Variants in ASTN2 observed in about 807,000 individuals in gnomAD.
ASTN2 encodes the protein astrotactin-2.
Under a neutral mutation model 139.8 loss-of-function variants are expected in ASTN2, and 54 were observed. The observed-to-expected ratio is 0.39, with a 90% CI of 0.31 to 0.48. The LOEUF (loss-of-function observed/expected upper bound fraction) is 0.48, where lower values mean the gene tolerates loss of function less well. ASTN2 is among the 20% of genes least tolerant of loss of function. The probability of loss-of-function intolerance (pLI) is 0.95; values close to 1 mark genes in which losing one functional copy is unlikely to be tolerated. For synonymous variants in ASTN2, 756 were observed against 719.5 expected (o/e 1.05, Z -0.81); for missense variants, 1,565 against 1,725.1 (o/e 0.91, Z 1.64).
At chr9:117,183,311 T>C (rs1831121059) in intron 3 of ASTN2, among the ~76,000 whole-genome samples, 1 of 152,180 alleles carries the variant, frequency 6.6e-6, no homozygotes, top group Admixed American at 6.5e-5. Context: ...TGCTGAGTAG[T>C]TGAGAGAATT....
chr9:116,903,745 C>A (rs1834081458), intron 10 of ASTN2, among the ~76,000 whole-genome samples: 1 of 151,976 alleles, frequency 6.6e-6, no homozygotes. Flanking sequence ...AGTCATGAGG[C>A]TGTATTAATA....
At chr9:116,594,550 G>T (rs958110840) in intron 19 of ASTN2, among the ~76,000 whole-genome samples, 1 of 152,182 alleles carries the variant, frequency 6.6e-6, no homozygotes, top group African/African-American at 2.4e-5. Flanking sequence ...AACATCAGAA[G>T]AGTCCAGTCT....
At position 117,214,745 on chromosome 9, in the gene ASTN2, G is replaced by A; in HGVS notation, c.631-3C>T. 6.8e-7 allele frequency: 1 copy of A among 1,480,492 alleles called. No homozygotes were observed. The highest frequency in any genetic ancestry group is 9.0e-7 in the Non-Finnish European group (1 of 1,115,512). The allele number at this position is 1,480,492 out of a possible 1,614,324, so 91.7% of individuals were successfully genotyped here. ...AGCAGCAGCGCGATGAGGCCACCCT[G>A]GAGCAGGAAGGAAGGACACACAAAT... On this transcript the variant is annotated splice_region_variant and splice_polypyrimidine_tract_variant and intron_variant, in intron 2 of 22. Coordinates refer to ENST00000313400, the MANE Select transcript of ASTN2 (RefSeq NM_001365068.1).
At chr9:116,734,061 G>T (rs1036868527) in intron 13 of ASTN2, among the ~76,000 whole-genome samples, 1 of 152,068 alleles carries the variant, frequency 6.6e-6, no homozygotes, top group African/African-American at 2.4e-5. Context: ...TAAATGGAAG[G>T]GCCCTAAGAG....
At chr9:116,866,740 A>G (rs1833020561) in intron 10 of ASTN2, among the ~76,000 whole-genome samples, 1 of 152,100 alleles carries the variant, frequency 6.6e-6, no homozygotes, top group African/African-American at 2.4e-5. Context: ...TCTACTAACA[A>G]TATAGTAGCC....
At chr9:117,181,074 C>T in intron 3 of ASTN2, 1 of 1,324,552 alleles carries the variant, frequency 7.5e-7, no homozygotes, top group Non-Finnish European at 1.1e-6. Context: ...AGGCCTGTTT[C>T]CATGGTCCCT....
At chr9:116,721,490 A>T (rs1828472245) in intron 16 of ASTN2, among the ~76,000 whole-genome samples, 1 of 152,208 alleles carries the variant, frequency 6.6e-6, no homozygotes, top group South Asian at 2.1e-4. Context: ...TATCAAGAGC[A>T]CAGAAGCATG....
intron 19 of ASTN2, among the ~76,000 whole-genome samples, chr9:116,517,115 T>C (rs576983877): frequency 2.0e-5 from 3 of 152,186 alleles, no homozygotes; most frequent in African/African-American, 7.2e-5. Context: ...GAATACTTCA[T>C]CAGGTGTCCC....
At chr9:116,949,581 G>A (rs1325837859) in intron 10 of ASTN2, among the ~76,000 whole-genome samples, 1 of 152,120 alleles carries the variant, frequency 6.6e-6, no homozygotes. Context: ...GAATCTTTGT[G>A]GGTTGGAATG....
At chr9:116,574,891 G>C (rs1321674084) in intron 19 of ASTN2, among the ~76,000 whole-genome samples, 2 of 152,272 alleles carry the variant, frequency 1.3e-5, no homozygotes, top group East Asian at 3.9e-4. Context: ...AAAATCAAGT[G>C]CAGCAGCCTG....
intron 7 of ASTN2, among the ~76,000 whole-genome samples, chr9:117,000,859 T>C (rs1387118843): frequency 1.3e-5 from 2 of 152,180 alleles, no homozygotes; most frequent in East Asian, 3.9e-4. Flanking sequence ...ATCCTCACCA[T>C]AGCATATTTT....
At chr9:117,021,349 A>C (rs1490471295) in intron 6 of ASTN2, among the ~76,000 whole-genome samples, 2 of 152,132 alleles carry the variant, frequency 1.3e-5, no homozygotes, top group Non-Finnish European at 2.9e-5. Flanking sequence ...TATCAAACCT[A>C]ATTGTCCTTT....
chr9:116,885,890 A>G (rs1833583906), intron 10 of ASTN2, among the ~76,000 whole-genome samples: 1 of 152,194 alleles, frequency 6.6e-6, no homozygotes, highest in Non-Finnish European at 1.5e-5. Context: ...TCATTCATTC[A>G]TTCAATCATT....
chr9:116,456,211 C>A (rs1285263325), intron 20 of ASTN2, among the ~76,000 whole-genome samples: 1 of 151,744 alleles, frequency 6.6e-6, no homozygotes, highest in African/African-American at 2.4e-5. Context: ...AGCATTTCTA[C>A]ATGCCAATAA....
chr9:117,031,516 C>T lies in ASTN2; in HGVS notation c.1423+8303G>A, dbSNP rs72757429. ...AAGGTTCTGAACATAATGTGCAAAA[C>T]AAATGTAATCTCTATCCTTATGGAA... On this transcript the variant is annotated intron_variant, in intron 6 of 22. Coordinates refer to ENST00000313400, the MANE Select transcript of ASTN2 (RefSeq NM_001365068.1). Among the ~76,000 whole-genome samples the T allele has an allele frequency of 8.9e-3, 1,352 of 152,166 alleles. 8 individuals are homozygous for T. Among genetic ancestry groups the T allele is most frequent in the Non-Finnish European group, 0.015 (1,043 of 67,998 alleles).
At chr9:116,843,354 TCTCA>T (rs1832323623) in intron 11 of ASTN2, among the ~76,000 whole-genome samples, 1 of 152,186 alleles carries the variant, frequency 6.6e-6, no homozygotes, top group African/African-American at 2.4e-5. Flanking sequence ...TACCGCATGT[TCTCA>T]CTTATAAGTG....
At chr9:117,000,535 A>C (rs1319769790) in intron 7 of ASTN2, among the ~76,000 whole-genome samples, 1 of 152,226 alleles carries the variant, frequency 6.6e-6, no homozygotes, top group Non-Finnish European at 1.5e-5. Context: ...CATTACCCAC[A>C]TTGATATTCT....
intron 3 of ASTN2, among the ~76,000 whole-genome samples, chr9:117,149,005 A>T (rs1830266035): frequency 6.6e-6 from 1 of 150,524 alleles, no homozygotes. Context: ...TTTTTTTTTT[A>T]ATTTTAAATT....
intron 20 of ASTN2, among the ~76,000 whole-genome samples, chr9:116,452,562 T>C (rs1443012156): frequency 2.0e-5 from 3 of 152,258 alleles, no homozygotes; most frequent in Non-Finnish European, 2.9e-5. Context: ...TAGAAGCTTT[T>C]ACACAGTTGT....
Sources: gnomAD v4.1 joint callset for allele counts (sites outside exome capture counted in the v4.1 genomes callset) on GRCh38, gnomAD v4.1.1 for gene constraint, MANE v1.5 for transcripts, NCBI Gene and HGNC (gene_info 2026-07-23, HGNC 2026-07-21) for gene names.